The following TOLLIP variants were observed in gnomAD, a reference collection of about 807,000 sequenced individuals.
The protein encoded by TOLLIP is toll-interacting protein.
A neutral mutation model predicts 33.5 loss-of-function variants in TOLLIP; 16 were observed. The ratio of observed to expected loss-of-function variants is 0.48; its 90% CI spans 0.32 to 0.72. TOLLIP has a LOEUF of 0.72. Ranked by LOEUF, TOLLIP falls within the 30% of genes least tolerant of loss-of-function variation. TOLLIP has a pLI of 0.03. For synonymous variants in TOLLIP, 176 were observed against 163.7 expected (o/e 1.07, Z -0.57); for missense variants, 325 against 396.6 (o/e 0.82, Z 1.53).
rs982036558 is a variant in TOLLIP at position 1,278,995 on chromosome 11, C to T, written c.611-1742G>A. 2.0e-5 allele frequency among the ~76,000 whole-genome samples: 3 copies of T among 152,192 alleles called. No individual in the cohort carries two copies. Among genetic ancestry groups the T allele is most frequent in the Admixed American group, 6.5e-5 (1 of 15,282 alleles). On this transcript the variant is annotated intron_variant, in intron 5 of 5. Transcript: ENST00000317204. The surrounding 1 kb of genome is among the most constrained non-coding windows in gnomAD (Gnocchi z 4.7). ...GGCTCGGCCATCGCCTGTCCCTGCCCACACGTCTCCCCACAGCGTGGCAAC... is the reference window on the plus strand; with the variant it reads ...GGCTCGGCCATCGCCTGTCCCTGCCTACACGTCTCCCCACAGCGTGGCAAC...
At chr11:1,286,469 G>A (rs1863699402) in intron 4 of TOLLIP, among the ~76,000 whole-genome samples, 1 of 152,238 alleles carries the variant, frequency 6.6e-6, no homozygotes, top group Non-Finnish European at 1.5e-5. Flanking sequence ...ATAAGTCACT[G>A]CACTGCTGTC....
rs1414006456 is a variant in TOLLIP at position 1,309,510 on chromosome 11, G to T, written c.-12C>A. 1.5e-6 allele frequency: 2 copies of T among 1,299,718 alleles called. No homozygotes were observed. The highest frequency in any genetic ancestry group is 9.8e-7 in the Non-Finnish European group (1 of 1,016,994). 80.5% of individuals were successfully genotyped at this position (1,299,718 alleles called of 1,614,324 possible). Reference sequence around the variant, plus strand: ...ACGGTGGTCGCCATGGTGCTGCGGCGGCCCCCGTGGCTCGCCGACCCGACA... The same window carrying T: ...ACGGTGGTCGCCATGGTGCTGCGGCTGCCCCCGTGGCTCGCCGACCCGACA... On this transcript the variant is annotated 5_prime_UTR_variant, in exon 1 of 6. Transcript: ENST00000317204.
chr11:1,284,035 C>T (rs928697088), intron 5 of TOLLIP, among the ~76,000 whole-genome samples: 6 of 152,222 alleles, frequency 3.9e-5, no homozygotes, highest in East Asian at 1.9e-4. Flanking sequence ...CCCACGACGG[C>T]GGCTCTGGGC....
At chr11:1,283,501 G>A (rs745355871) in intron 5 of TOLLIP, 18 of 454,904 alleles carry the variant, frequency 4.0e-5, no homozygotes, top group Non-Finnish European at 7.1e-5. Context: ...CCGGTGGGGC[G>A]TCAGGTGGAC....
In TOLLIP at chr11:1,275,418, C is replaced by T. The variant is rs944949032; in HGVS notation, c.*1621G>A. ...CATACCATCTAGAACGTTCCAGTCC[C>T]GCCTGACACCTTCATTCCCAATGGA... On this transcript the variant is annotated 3_prime_UTR_variant, in exon 6 of 6. Coordinates refer to ENST00000317204, the MANE Select transcript of TOLLIP (RefSeq NM_019009.4). The T allele has an allele frequency of 2.6e-5, 4 of 152,088 alleles. No homozygotes were observed. The highest frequency in any genetic ancestry group is 4.4e-5 in the Non-Finnish European group (3 of 68,000). 9.4% of individuals were successfully genotyped at this position (152,088 alleles called of 1,614,324 possible). A position where few individuals can be genotyped will look rare whatever the true frequency, so the allele number is the denominator to read the frequency against.
At position 1,290,519 on chromosome 11, in the gene TOLLIP, T is replaced by C. The variant is rs534651271; in HGVS notation, c.184-110A>G. ...TTCCACGAGGCCTTTTCCTAACACATAGACTACAGCCACTCAGAGTCGCCT... is the reference window on the plus strand; with the variant it reads ...TTCCACGAGGCCTTTTCCTAACACACAGACTACAGCCACTCAGAGTCGCCT... On this transcript the variant is annotated intron_variant, in intron 2 of 5. Coordinates refer to ENST00000317204, the MANE Select transcript of TOLLIP (RefSeq NM_019009.4). This position sits in a 1 kb window ranked among gnomAD's most constrained non-coding sequence, Gnocchi z 4.9. 3.7e-4 allele frequency: 362 copies of C among 990,174 alleles called. 3 individuals are homozygous for C. The South Asian group carries it at 4.3e-3, about 12-fold the overall frequency. The allele number at this position is 990,174 out of a possible 1,614,324, so 61.3% of individuals were successfully genotyped here.
chr11:1,297,618 A>G (rs1447398342), intron 1 of TOLLIP, among the ~76,000 whole-genome samples: 7 of 152,248 alleles, frequency 4.6e-5, no homozygotes. Flanking sequence ...GTCACGAGTG[A>G]CCTTTGCCCT....
In TOLLIP at chr11:1,274,510, C is replaced by A. The variant is rs746987940; in HGVS notation, c.*2529G>T. The stretch of plus-strand genomic sequence containing the variant: ...CCCCAGTAAAATAATCAGAAGCGCA[C>A]GTTCTGAGACCACTCCTGCCTGGCA... On this transcript the variant is annotated 3_prime_UTR_variant, in exon 6 of 6. Coordinates refer to ENST00000317204, the MANE Select transcript of TOLLIP (RefSeq NM_019009.4). The A allele has an allele frequency of 6.6e-6, 1 of 152,240 alleles. No individual in the cohort carries two copies. Among genetic ancestry groups the A allele is most frequent in the East Asian group, 1.9e-4 (1 of 5,182 alleles). 9.4% of individuals were successfully genotyped at this position (152,240 alleles called of 1,614,324 possible).
rs557959830 is a variant in TOLLIP at position 1,292,686 on chromosome 11, C to T, written c.184-2277G>A. On this transcript the variant is annotated intron_variant, in intron 2 of 5. Coordinates refer to ENST00000317204, the MANE Select transcript of TOLLIP (RefSeq NM_019009.4). ...GGACACCGTGGGGACACACGGGCAC[C>T]GCTGCCTCCCCCACAACGGGCAAGA... Among the ~76,000 whole-genome samples, 23 of 152,332 alleles carry T rather than the reference C, an allele frequency of 1.5e-4. No individual in the cohort carries two copies. The South Asian group carries it at 1.7e-3, about 11-fold the overall frequency.
rs892219104 is a variant in TOLLIP, at chr11:1,276,342, C to T, written c.*697G>A. 2.9e-5 allele frequency: 6 copies of T among 207,186 alleles called. No homozygotes were observed. The highest frequency in any genetic ancestry group is 1.6e-4 in the South Asian group (2 of 12,888). 12.8% of individuals were successfully genotyped at this position (207,186 alleles called of 1,614,324 possible). On this transcript the variant is annotated 3_prime_UTR_variant, in exon 6 of 6. Coordinates refer to ENST00000317204, the MANE Select transcript of TOLLIP (RefSeq NM_019009.4). Reference sequence around the variant, plus strand: ...GGCGAAGGACCCGGCTTCAGATGCCCGCTGGCTGGCAATCAGGCAGAGCCT... The same window carrying T: ...GGCGAAGGACCCGGCTTCAGATGCCTGCTGGCTGGCAATCAGGCAGAGCCT...
At chr11:1,306,065 T>A (rs899934786) in intron 1 of TOLLIP, 1 of 152,156 alleles carries the variant, frequency 6.6e-6, no homozygotes, top group African/African-American at 2.4e-5. Flanking sequence ...TCCTTGCAGG[T>A]ACTCACCCAT....
At chr11:1,282,092 C>T (rs1483072910) in intron 5 of TOLLIP, among the ~76,000 whole-genome samples, 1 of 152,238 alleles carries the variant, frequency 6.6e-6, no homozygotes, top group Non-Finnish European at 1.5e-5. Context: ...TCAAAGGCTC[C>T]TAAAAGCAGT....
At chr11:1,281,571 C>A (rs558432579) in intron 5 of TOLLIP, among the ~76,000 whole-genome samples, 1 of 152,302 alleles carries the variant, frequency 6.6e-6, no homozygotes, top group East Asian at 1.9e-4. Flanking sequence ...GATCAGCAGG[C>A]GACAGCTGAA....
intron 4 of TOLLIP, 101 bp downstream of exon 4, chr11:1,288,523 G>C (rs1863821540): frequency 7.2e-7 from 1 of 1,394,016 alleles, no homozygotes; most frequent in African/African-American, 1.4e-5. Flanking sequence ...TATGGGCTCA[G>C]TGCCTCCAGG....
intron 1 of TOLLIP, 91 bp from the exon 2 acceptor site, chr11:1,295,885 GC>G: frequency 7.0e-7 from 1 of 1,430,476 alleles, no homozygotes. Flanking sequence ...CCGCGGCCCC[GC>G]CCCCACCCAT....
chr11:1,282,336 A>G (rs1863528387), intron 5 of TOLLIP, among the ~76,000 whole-genome samples: 2 of 152,270 alleles, frequency 1.3e-5, no homozygotes, highest in African/African-American at 2.4e-5. Flanking sequence ...CAAGGAAAAA[A>G]ATAGGAAATT....
rs1863309141 is a variant in TOLLIP at position 1,276,577 on chromosome 11, G to A, written c.*462C>T. ...GCAAAGCGCGTTAGGGCAAGGGCGTGAGTTTTCGTCTGGGAAGTTCTAAAA... is the reference window on the plus strand; with the variant it reads ...GCAAAGCGCGTTAGGGCAAGGGCGTAAGTTTTCGTCTGGGAAGTTCTAAAA... On this transcript the variant is annotated 3_prime_UTR_variant, in exon 6 of 6. Coordinates refer to ENST00000317204, the MANE Select transcript of TOLLIP (RefSeq NM_019009.4). 9.8e-7 allele frequency: 1 copy of A among 1,020,666 alleles called. No homozygotes were observed. Among genetic ancestry groups the A allele is most frequent in the Non-Finnish European group, 1.3e-6 (1 of 758,356 alleles). 63.2% of individuals were successfully genotyped at this position (1,020,666 alleles called of 1,614,324 possible). A position where few individuals can be genotyped will look rare whatever the true frequency, so the allele number is the denominator to read the frequency against.
At chr11:1,297,735 G>A (rs1304942934) in intron 1 of TOLLIP, among the ~76,000 whole-genome samples, 3 of 152,188 alleles carry the variant, frequency 2.0e-5, no homozygotes, top group South Asian at 4.1e-4. Flanking sequence ...ACGGACAATC[G>A]AGGAGGGTGC....
At position 1,288,595 on chromosome 11, in the gene TOLLIP, G is replaced by A. The variant is rs111831428; in HGVS notation, c.519+29C>T. The A allele has an allele frequency of 4.5e-4, 715 of 1,588,570 alleles. 1 individual carries two copies. Among genetic ancestry groups the A allele is most frequent in the Non-Finnish European group, 5.3e-4 (614 of 1,166,298 alleles). On this transcript the variant is annotated intron_variant, in intron 4 of 5. Coordinates refer to ENST00000317204, the MANE Select transcript of TOLLIP (RefSeq NM_019009.4). ...GACGTGCTCCAACATACCCCAATGC[G>A]CCCCACCCCGCCCAGGCGTGCAGCT...
Sources: gnomAD v4.1 joint callset for allele counts (sites outside exome capture counted in the v4.1 genomes callset) on GRCh38, gnomAD v4.1.1 for gene constraint, Gnocchi (gnomAD v3.1) non-coding constraint, MANE v1.5 for transcripts, NCBI Gene and HGNC (gene_info 2026-07-23, HGNC 2026-07-21) for gene names.